Variants in REV3L observed in about 807,000 individuals in gnomAD.
REV3L encodes DNA polymerase zeta catalytic subunit.
In REV3L, 69 loss-of-function variants were observed where a neutral mutation model predicts 299.4. The ratio of observed to expected loss-of-function variants is 0.23; its 90% CI spans 0.19 to 0.28. The LOEUF (loss-of-function observed/expected upper bound fraction) is 0.28. Ranked by LOEUF, REV3L falls within the 10% of genes least tolerant of loss-of-function variation. The pLI is 1.00. For missense variants in REV3L, 3,128 were observed against 3,693.8 expected, an observed-to-expected ratio of 0.85 and a Z score of 3.97; for synonymous variants, 1,238 against 1,271.4, an observed-to-expected ratio of 0.97 and a Z score of 0.56.
intron 1 of REV3L, among the ~76,000 whole-genome samples, chr6:111,437,601 T>C (rs528452410): frequency 2.0e-5 from 3 of 152,098 alleles, no homozygotes; most frequent in Admixed American, 6.5e-5. Flanking sequence ...AAAAATCACA[T>C]ATTATATGAC....
chr6:111,388,888 A>G (rs1455820137), intron 7 of REV3L, among the ~76,000 whole-genome samples: 2 of 152,226 alleles, frequency 1.3e-5, no homozygotes, highest in African/African-American at 4.8e-5. Flanking sequence ...AAAGAACAGT[A>G]AAAACGTCAA....
rs376561912 is a variant in REV3L at position 111,465,745 on chromosome 6, C to CAAAAA, written c.139+17000_139+17004dup. ...GAGATTCCGACTCAAAAACAAAAAC[C>CAAAAA]AAAAAAAAAAAAAAAAAAAAACTTT... On this transcript the variant is annotated intron_variant, in intron 1 of 31. Transcript: ENST00000368802. Among the ~76,000 whole-genome samples the CAAAAA allele has an allele frequency of 8.3e-3, 637 of 76,702 alleles. 2 individuals carry two copies. Among genetic ancestry groups the CAAAAA allele is most frequent in the Admixed American group, 0.011 (62 of 5,828 alleles). 50.3% of individuals were successfully genotyped at this position (76,702 alleles called of 152,430 possible).
At position 111,390,498 on chromosome 6, in the gene REV3L, T is replaced by C. The variant is rs1781810826; in HGVS notation, c.663-318A>G. ...ATACCCGGGGCAGAATGGGATAGGA[T>C]AATATAAAAACCTCAGAGGAATGCA... On this transcript the variant is annotated intron_variant, in intron 5 of 31. Coordinates refer to ENST00000368802, the MANE Select transcript of REV3L (RefSeq NM_001372078.1). 2.0e-5 allele frequency among the ~76,000 whole-genome samples: 3 copies of C among 152,050 alleles called. No individual in the cohort carries two copies. In the South Asian group the frequency reaches 6.2e-4, roughly 32 times the overall value.
At position 111,331,739 on chromosome 6, in the gene REV3L, T is replaced by C; in HGVS notation, c.7971A>G (p.Pro2657=). The part of the protein sequence containing the change: ...KFGCTSLRVP[P]DLLYQVRHDI... ...CATGCCTAACTTGGTAAAGTAAATCTGGAGGTACTCTCAGAGAGGTACAGC... is the reference window on the plus strand; with the variant it reads ...CATGCCTAACTTGGTAAAGTAAATCCGGAGGTACTCTCAGAGAGGTACAGC... Residue 2657 remains proline, a synonymous_variant, in exon 24 of 32, where the codon CCA becomes CCG. Transcript: ENST00000368802. The C allele has an allele frequency of 6.2e-7, 1 of 1,613,448 alleles. No homozygotes were observed. Among genetic ancestry groups the C allele is most frequent in the East Asian group, 2.2e-5 (1 of 44,764 alleles).
chr6:111,302,961 T>C (rs559010568), intron 31 of REV3L, among the ~76,000 whole-genome samples: 1 of 152,314 alleles, frequency 6.6e-6, no homozygotes, highest in East Asian at 1.9e-4. Flanking sequence ...TGTTTATGAT[T>C]AACAGTGTTA....
Position 111,376,771 on chromosome 6 carries a change from G to T in REV3L, c.1598-14C>A. 1 of 1,505,012 alleles carries T rather than the reference G, an allele frequency of 6.6e-7. No homozygotes were observed. Among genetic ancestry groups the T allele is most frequent in the Non-Finnish European group, 8.8e-7 (1 of 1,136,162 alleles). 93.2% of individuals were successfully genotyped at this position (1,505,012 alleles called of 1,614,324 possible). A position where few individuals can be genotyped will look rare whatever the true frequency, so the allele number is the denominator to read the frequency against. ...TCAATGGATTGTCTGAAATGAGGAGGGAAAAACAGTTTATTTCATTTTACT... is the reference window on the plus strand; with the variant it reads ...TCAATGGATTGTCTGAAATGAGGAGTGAAAAACAGTTTATTTCATTTTACT... On this transcript the variant is annotated splice_polypyrimidine_tract_variant and intron_variant, in intron 12 of 31. Transcript: ENST00000368802.
In REV3L at chr6:111,376,528, A is replaced by T; in HGVS notation, c.1827T>A (p.Gly609=). ...LSQTNKNTEK[G]LDNSVTSFTN... ...TAAAAGAAGTGACTGAGTTATCTAG[A>T]CCTTTTTCTGTATTTTTGTTTGTCT... The change falls in exon 13 of 32, where the codon GGT becomes GGA. Residue 609 remains glycine (G), a synonymous_variant. Transcript: ENST00000368802. 6.2e-7 allele frequency: 1 copy of T among 1,612,324 alleles called. No homozygotes were observed. The highest frequency in any genetic ancestry group is 1.1e-5 in the South Asian group (1 of 90,612).
intron 1 of REV3L, among the ~76,000 whole-genome samples, chr6:111,472,804 A>AAC (rs960920672): frequency 3.3e-5 from 5 of 151,984 alleles, no homozygotes; most frequent in African/African-American, 7.2e-5. Context: ...AACGACAGAA[A>AAC]ACACACACAC....
At position 111,374,899 on chromosome 6, in the gene REV3L, A is replaced by C. The variant is rs778878809; in HGVS notation, c.3456T>G (p.Gly1152=). The part of the protein sequence containing the change: ...AAEKEAMLFK[G]PNVYKKTVNS... ...TAACAGTCTTCTTATATACATTAGGACCCTTAAAAAGCATTGCCTCTTTTT... is the reference window on the plus strand; with the variant it reads ...TAACAGTCTTCTTATATACATTAGGCCCCTTAAAAAGCATTGCCTCTTTTT... Residue 1152 remains glycine (G), a synonymous_variant, in exon 13 of 32, where the codon GGT becomes GGG. Transcript: ENST00000368802. 3 of 1,613,640 alleles carry C rather than the reference A, an allele frequency of 1.9e-6. No homozygotes were observed. The highest frequency in any genetic ancestry group is 1.7e-6 in the Non-Finnish European group (2 of 1,179,828).
At chr6:111,480,316 T>C (rs976958575) in intron 1 of REV3L, among the ~76,000 whole-genome samples, 1 of 152,254 alleles carries the variant, frequency 6.6e-6, no homozygotes, top group African/African-American at 2.4e-5. Context: ...ACCATGTTTA[T>C]ATCTTTGCAT....
chr6:111,465,745 CAAA>C (rs376561912), intron 1 of REV3L, among the ~76,000 whole-genome samples: 1 of 76,864 alleles, frequency 1.3e-5, no homozygotes, highest in Non-Finnish European at 2.3e-5. Flanking sequence ...AAACAAAAAC[CAAA>C]AAAAAAAAAA....
intron 1 of REV3L, among the ~76,000 whole-genome samples, chr6:111,481,519 C>T (rs1487170948): frequency 6.6e-6 from 1 of 152,130 alleles, no homozygotes; most frequent in African/African-American, 2.4e-5. Flanking sequence ...AAAGAGAATT[C>T]ACATTAAAAG....
chr6:111,380,121 A>T lies in REV3L; in HGVS notation c.1315T>A (p.Ser439Thr). The change falls in exon 11 of 32, where the codon TCC becomes ACC. Residue 439 changes from serine (S) to threonine (T), a missense_variant. This residue lies in a region of REV3L where 2,409 missense variants were observed against 2,611.8 expected (regional missense o/e 0.92). Coordinates refer to ENST00000368802, the MANE Select transcript of REV3L (RefSeq NM_001372078.1). ...TGTGGATATTTATTATTTCCAAAGG[A>T]GCGACATGGTGATGGCATCCTATTT... ...ERNRMPSPCR[S>T]FGNNKYPQNS... is the part of the protein sequence containing the mutation. The T allele has an allele frequency of 6.2e-7, 1 of 1,613,954 alleles. No homozygotes were observed.
chr6:111,431,687 C>A, intron 1 of REV3L: 1 of 953,930 alleles, frequency 1.0e-6, no homozygotes, highest in Non-Finnish European at 1.7e-6. Flanking sequence ...ATTTCCATTC[C>A]TTCCCCCGTC....
intron 1 of REV3L, among the ~76,000 whole-genome samples, chr6:111,476,300 C>T (rs532863324): frequency 3.3e-5 from 5 of 152,238 alleles, no homozygotes; most frequent in East Asian, 1.9e-4. Flanking sequence ...GAACCACAAA[C>T]GTGTACCACC....
chr6:111,336,265 A>G (rs1463320982), intron 21 of REV3L, among the ~76,000 whole-genome samples: 1 of 152,060 alleles, frequency 6.6e-6, no homozygotes, highest in African/African-American at 2.4e-5. Flanking sequence ...AAATCCATAA[A>G]AAGAATTTTA....
At chr6:111,477,672 C>T (rs924269335) in intron 1 of REV3L, among the ~76,000 whole-genome samples, 2 of 152,246 alleles carry the variant, frequency 1.3e-5, no homozygotes, top group Non-Finnish European at 1.5e-5. Flanking sequence ...CTATGCAAGA[C>T]CTTGTAAGAC....
rs375701918 is a variant in REV3L at position 111,375,303 on chromosome 6, C to T, written c.3052G>A (p.Ala1018Thr). 40 of 1,591,452 alleles carry T rather than the reference C, an allele frequency of 2.5e-5. No individual in the cohort carries two copies. The highest frequency in any genetic ancestry group is 3.2e-5 in the Non-Finnish European group (38 of 1,174,786). The part of the protein sequence containing the change: ...EEKMELYKKL[A>T]PLKDFWPKVP... ...TTTGGCCAAAAGTCCTTCAAAGGTG[C>T]AAGCTTTTTATATAGTTCCATTTTT... is the stretch of plus-strand genomic sequence containing the variant. The change falls in exon 13 of 32, where the codon GCA (alanine) becomes ACA (threonine). Residue 1018 changes from alanine to threonine, a missense_variant. Ala to Thr is a moderately conservative substitution (Grantham distance 58). Coordinates refer to ENST00000368802, the MANE Select transcript of REV3L (RefSeq NM_001372078.1).
intron 25 of REV3L, among the ~76,000 whole-genome samples, chr6:111,327,931 A>G (rs1039273995): frequency 6.6e-6 from 1 of 152,116 alleles, no homozygotes; most frequent in African/African-American, 2.4e-5. Flanking sequence ...CTGTGTGAAG[A>G]CTTTATGCTT....
Sources: allele counts gnomAD v4.1 joint callset (sites outside exome capture counted in the v4.1 genomes callset), GRCh38; gene constraint gnomAD v4.1.1; regional missense constraint gnomAD v4.1.1; transcripts MANE v1.5; gene names NCBI Gene and HGNC (gene_info 2026-07-23, HGNC 2026-07-21).